The following DNMT3B variants were observed in gnomAD, a reference collection of about 807,000 sequenced individuals.
DNMT3B encodes DNA methyltransferase 3 beta.
DNMT3B carries 37 observed loss-of-function variants against 120.2 expected under a neutral mutation model. The ratio of observed to expected loss-of-function variants is 0.31; its 90% confidence interval spans 0.24 to 0.40. The LOEUF (loss-of-function observed/expected upper bound fraction) is 0.40, where lower values mean the gene tolerates loss of function less well. DNMT3B is among the 10% of genes least tolerant of loss of function. DNMT3B has a pLI of 1.00. For missense variants in DNMT3B, 878 were observed against 1,137.3 expected, an observed-to-expected ratio of 0.77 and a Z score of 3.28; for synonymous variants, 412 against 442.8, an observed-to-expected ratio of 0.93 and a Z score of 0.87.
At position 32,779,987 on chromosome 20, in the gene DNMT3B, A is replaced by ATT. The variant is rs1384222096; in HGVS notation, c.-6-331_-6-330insTT. 5 of 1,240,320 alleles carry ATT rather than the reference A, an allele frequency of 4.0e-6. No individual in the cohort carries two copies. The African/African-American group carries it at 6.0e-5, about 15-fold the overall frequency. The allele number at this position is 1,240,320 out of a possible 1,614,324, so 76.8% of individuals were successfully genotyped here. A position where few individuals can be genotyped will look rare whatever the true frequency, so the allele number is the denominator to read the frequency against. The stretch of plus-strand genomic sequence containing the variant: ...TGGCGGCAGACGGGCCGGGACAGGC[A>ATT]GGTCCTAAATGGCATTGTTTGAAGG... On this transcript the variant is annotated intron_variant, in intron 1 of 22. Transcript: ENST00000328111.
intron 14 of DNMT3B, 126 bp downstream of exon 14, chr20:32,797,425 G>A: frequency 1.2e-6 from 1 of 862,176 alleles, no homozygotes; most frequent in Non-Finnish European, 1.8e-6. Context: ...ATTTGCCCTG[G>A]AAGCAGCACA....
chr20:32,807,729 T>A, intron 22 of DNMT3B, 33 bp from the exon 23 acceptor site: 1 of 1,613,368 alleles, frequency 6.2e-7, no homozygotes, highest in Non-Finnish European at 8.5e-7. Flanking sequence ...GAGGCACTTC[T>A]GACTTGCTGT....
intron 4 of DNMT3B, among the ~76,000 whole-genome samples, chr20:32,785,472 C>T (rs1979161504): frequency 6.6e-6 from 1 of 152,104 alleles, no homozygotes; most frequent in South Asian, 2.1e-4. Context: ...GGGAGTCCAC[C>T]ATTTCTGTGG....
At chr20:32,769,348 A>G (rs1051957767) in intron 1 of DNMT3B, among the ~76,000 whole-genome samples, 2 of 152,098 alleles carry the variant, frequency 1.3e-5, no homozygotes, top group Non-Finnish European at 2.9e-5. Context: ...CGGCCTCCCA[A>G]AGTACTGGGA....
At chr20:32,791,216 A>C (rs193028801) in intron 7 of DNMT3B, among the ~76,000 whole-genome samples, 1 of 152,254 alleles carries the variant, frequency 6.6e-6, no homozygotes, top group African/African-American at 2.4e-5. Context: ...GAAAGAAGGA[A>C]TATGTGCAAA....
At chr20:32,781,315 GC>G (rs1344408741) in intron 2 of DNMT3B, 37 bp from the exon 3 acceptor site, 6 of 1,582,762 alleles carry the variant, frequency 3.8e-6, no homozygotes, top group Non-Finnish European at 5.1e-6. Context: ...ACTGGTGCCT[GC>G]CCCCACAAAA....
intron 1 of DNMT3B, among the ~76,000 whole-genome samples, chr20:32,775,002 G>T (rs868716331): frequency 6.6e-6 from 1 of 151,054 alleles, no homozygotes; most frequent in Non-Finnish European, 1.5e-5. Flanking sequence ...GATTACAAGC[G>T]TGAGCCACCG....
chr20:32,765,222 C>T (rs1301029536), intron 1 of DNMT3B, among the ~76,000 whole-genome samples: 4 of 152,048 alleles, frequency 2.6e-5, no homozygotes, highest in South Asian at 2.1e-4. Context: ...TCCAGTTTCA[C>T]GGAGGACCAG....
chr20:32,762,494 C>T lies in DNMT3B; in HGVS notation c.-212C>T, dbSNP rs749909518. ...TCCGAGCGCCCCCCGACGGACGGGA[C>T]CGGCTCCCTGGCGGTCGGGCGAGCG... On this transcript the variant is annotated 5_prime_UTR_variant, in exon 1 of 23. Transcript: ENST00000328111. 7.4e-5 allele frequency: 18 copies of T among 243,558 alleles called. No homozygotes were observed. Among genetic ancestry groups the T allele is most frequent in the Non-Finnish European group, 1.5e-4 (17 of 116,810 alleles). The allele number at this position is 243,558 out of a possible 1,614,324, so 15.1% of individuals were successfully genotyped here.
chr20:32,797,009 G>T (rs1317596154), intron 13 of DNMT3B, 140 bp downstream of exon 13: 2 of 1,611,270 alleles, frequency 1.2e-6, no homozygotes, highest in Non-Finnish European at 1.7e-6. Flanking sequence ...GGGGCAGGAT[G>T]GGGGACAGCT....
At chr20:32,794,167 C>G (rs571226233) in intron 10 of DNMT3B, among the ~76,000 whole-genome samples, 1 of 151,916 alleles carries the variant, frequency 6.6e-6, no homozygotes, top group South Asian at 2.1e-4. Flanking sequence ...CAAGACCAGC[C>G]TGGGCAACAG....
intron 4 of DNMT3B, among the ~76,000 whole-genome samples, chr20:32,785,618 G>C (rs897204300): frequency 6.6e-6 from 1 of 152,034 alleles, no homozygotes; most frequent in African/African-American, 2.4e-5. Context: ...CCCAGGATAT[G>C]GTCTGTATCA....
At chr20:32,786,714 A>G (rs2424914) in intron 5 of DNMT3B, 87 bp downstream of exon 5, 809,552 of 1,594,342 alleles carry the variant, frequency 0.51, 222,386 homozygotes, top group East Asian at 1. Context: ...TGTGGCTGGT[A>G]GATAATCTGT....
Position 32,795,404 on chromosome 20 carries a change from C to T in DNMT3B, c.1127-5C>T. On this transcript the variant is annotated splice_region_variant and splice_polypyrimidine_tract_variant and intron_variant, in intron 10 of 22. Coordinates refer to ENST00000328111, the MANE Select transcript of DNMT3B (RefSeq NM_006892.4). The stretch of plus-strand genomic sequence containing the variant: ...CCACGGCTGCAGTCTAATTACCTTT[C>T]ACAGAGAACAAGACTCGAAGACGCA... 1.9e-6 allele frequency: 3 copies of T among 1,614,034 alleles called. No individual in the cohort carries two copies. The highest frequency in any genetic ancestry group is 2.5e-6 in the Non-Finnish European group (3 of 1,179,964).
chr20:32,772,077 G>A (rs934936619), intron 1 of DNMT3B, among the ~76,000 whole-genome samples: 15 of 152,136 alleles, frequency 9.9e-5, no homozygotes, highest in Non-Finnish European at 2.2e-4. Flanking sequence ...TGCACTCTTT[G>A]CCCCCTATTG....
rs773561827 is a variant in DNMT3B at position 32,807,901 on chromosome 20, T to C, written c.2560T>C (p.Ter854GlnextTer20). 6.2e-7 allele frequency: 1 copy of C among 1,614,154 alleles called. No homozygotes were observed. The highest frequency in any genetic ancestry group is 8.5e-7 in the Non-Finnish European group (1 of 1,180,012). Residue 854 changes from the stop codon to glutamine, a stop_lost, in exon 23 of 23, where the codon TAG becomes CAG. Transcript: ENST00000328111. ...TCTGAAGGACTACTTTGCATGTGAA[T>C]AGTTCCAGCCAGGCCCCAAGCCCAC... is the stretch of plus-strand genomic sequence containing the variant. The part of the protein sequence containing the change: ...APLKDYFACE[*>Q]
intron 1 of DNMT3B, among the ~76,000 whole-genome samples, chr20:32,766,131 G>T (rs940593532): frequency 6.6e-6 from 1 of 152,160 alleles, no homozygotes; most frequent in South Asian, 2.1e-4. Flanking sequence ...ATCACTTAAG[G>T]CCAGGAGTTC....
Position 32,795,551 on chromosome 20 carries a change from T to A in DNMT3B, c.1252+17T>A. 6.2e-7 allele frequency: 1 copy of A among 1,614,148 alleles called. No homozygotes were observed. The highest frequency in any genetic ancestry group is 8.5e-7 in the Non-Finnish European group (1 of 1,180,012). ...AGAGCCGAGGTGATTGTTGGGTACC[T>A]GGGATCATGGGACAGATGGGAGGAG... On this transcript the variant is annotated intron_variant, in intron 11 of 22. Coordinates refer to ENST00000328111, the MANE Select transcript of DNMT3B (RefSeq NM_006892.4).
intron 8 of DNMT3B, 63 bp from the exon 9 acceptor site, chr20:32,792,563 G>A: frequency 6.2e-7 from 1 of 1,612,936 alleles, no homozygotes; most frequent in Non-Finnish European, 8.5e-7. Context: ...GGGAATCCCT[G>A]GGTGTGGCCT....
Sources: allele counts gnomAD v4.1 joint callset (sites outside exome capture counted in the v4.1 genomes callset), GRCh38; gene constraint gnomAD v4.1.1; transcripts MANE v1.5; gene names NCBI Gene and HGNC (gene_info 2026-07-23, HGNC 2026-07-21).